Variants in PLD5 observed in about 807,000 individuals in gnomAD.
The protein encoded by PLD5 is phospholipase D family member 5.
PLD5 carries 36 observed loss-of-function variants against 61.1 expected under a neutral mutation model. The ratio of observed to expected loss-of-function variants is 0.59; its 90% CI spans 0.45 to 0.78. PLD5 has a LOEUF of 0.78. Among genes scored for constraint, PLD5 ranks in the 30% least tolerant of loss-of-function variants. The pLI is 0.00. For missense variants in PLD5, 515 were observed against 644.4 expected (o/e 0.80, Z 2.17); for synonymous variants, 243 against 242.8 (o/e 1.00, Z -0.01).
At chr1:242,486,654 G>C (rs1182925941) in intron 1 of PLD5, among the ~76,000 whole-genome samples, 2 of 150,654 alleles carry the variant, frequency 1.3e-5, no homozygotes, top group East Asian at 2.0e-4. Flanking sequence ...TCAGTGTGGC[G>C]ATTCCTCAGG....
upstream of PLD5, among the ~76,000 whole-genome samples, chr1:242,525,854 ATAG>A (rs1669433049): frequency 6.6e-6 from 1 of 152,228 alleles, no homozygotes; most frequent in Non-Finnish European, 1.5e-5. Context: ...TATAGTAAAA[ATAG>A]TAGTTGAAAT....
At chr1:242,410,629 A>C (rs994703417) in intron 1 of PLD5, among the ~76,000 whole-genome samples, 10 of 152,284 alleles carry the variant, frequency 6.6e-5, no homozygotes, top group African/African-American at 2.4e-4. Context: ...TTCATCAGCA[A>C]ATCATAAAAA....
intron 2 of PLD5, among the ~76,000 whole-genome samples, chr1:242,292,233 A>G (rs1009139359): frequency 1.3e-5 from 2 of 152,146 alleles, no homozygotes; most frequent in Non-Finnish European, 2.9e-5. Context: ...CTCCCCTACA[A>G]CCGATGGATA....
chr1:242,255,789 C>T (rs1226948261), intron 4 of PLD5, among the ~76,000 whole-genome samples: 6 of 152,152 alleles, frequency 3.9e-5, no homozygotes, highest in Middle Eastern at 3.4e-3. Flanking sequence ...AATTCAGCAG[C>T]TCCCTGTCCT....
intron 4 of PLD5, among the ~76,000 whole-genome samples, chr1:242,225,234 A>T (rs1670856699): frequency 6.6e-6 from 1 of 151,724 alleles, no homozygotes; most frequent in Non-Finnish European, 1.5e-5. Context: ...TGTGTAGAAC[A>T]GTGGTTTGTT....
chr1:242,095,436 T>C (rs750197883), intron 9 of PLD5, among the ~76,000 whole-genome samples: 121 of 152,128 alleles, frequency 8.0e-4, no homozygotes, highest in Middle Eastern at 3.4e-3. Context: ...TTCACCATGT[T>C]GGCCAGGCTG....
intron 1 of PLD5, among the ~76,000 whole-genome samples, chr1:242,388,401 G>A (rs561876519): frequency 6.6e-6 from 1 of 152,272 alleles, no homozygotes; most frequent in East Asian, 1.9e-4. Context: ...AGACGCTTCA[G>A]TCATTTCCAT....
intron 1 of PLD5, among the ~76,000 whole-genome samples, chr1:242,510,740 G>C (rs1668880157): frequency 6.6e-6 from 1 of 151,954 alleles, no homozygotes; most frequent in South Asian, 2.1e-4. Context: ...AGCTACTCAG[G>C]AGGCCGAGGC....
chr1:242,252,669 T>C (rs1237979716), intron 4 of PLD5, among the ~76,000 whole-genome samples: 1 of 152,228 alleles, frequency 6.6e-6, no homozygotes, highest in Non-Finnish European at 1.5e-5. Flanking sequence ...ATCAGTATTT[T>C]TAGCAACTAG....
intron 1 of PLD5, among the ~76,000 whole-genome samples, chr1:242,393,798 G>A (rs1002083253): frequency 1.7e-4 from 26 of 148,572 alleles, no homozygotes; most frequent in African/African-American, 6.4e-4. Flanking sequence ...AGTGGCTCAC[G>A]CCTGTATTCT....
intron 1 of PLD5, among the ~76,000 whole-genome samples, chr1:242,436,104 C>T (rs1665986039): frequency 6.6e-6 from 1 of 152,078 alleles, no homozygotes; most frequent in African/African-American, 2.4e-5. Flanking sequence ...AACCCCACCC[C>T]CTCTTTCTGT....
intron 1 of PLD5, among the ~76,000 whole-genome samples, chr1:242,487,612 C>A (rs1319508349): frequency 6.6e-6 from 1 of 152,072 alleles, no homozygotes; most frequent in Non-Finnish European, 1.5e-5. Context: ...AGACAAGCCA[C>A]AAACTGGGAA....
rs573903104 is a variant in PLD5 at position 242,393,201 on chromosome 1, CA to C, written c.190-44960del. ...CCTGGATAAGACGACGACTCCGTCTCAAAAAAATATATATATATATATGAGT... is the reference window on the plus strand; with the variant it reads ...CCTGGATAAGACGACGACTCCGTCTCAAAAAATATATATATATATATGAGT... On this transcript the variant is annotated intron_variant, in intron 1 of 9. Transcript: ENST00000536534. Among the ~76,000 whole-genome samples, 11 of 73,720 alleles carry C rather than the reference CA, an allele frequency of 1.5e-4. 1 individual carries two copies. In the East Asian group the frequency reaches 1.6e-3, roughly 11 times the overall value. 48.4% of individuals were successfully genotyped at this position (73,720 alleles called of 152,430 possible). A position where few individuals can be genotyped will look rare whatever the true frequency, so the allele number is the denominator to read the frequency against.
At chr1:242,502,107 C>T (rs1351772626) in intron 1 of PLD5, among the ~76,000 whole-genome samples, 2 of 152,152 alleles carry the variant, frequency 1.3e-5, no homozygotes, top group Non-Finnish European at 2.9e-5. Flanking sequence ...AAGTCTATGT[C>T]TGCAACCCAA....
chr1:242,112,283 CT>C (rs1661563685), intron 7 of PLD5, among the ~76,000 whole-genome samples: 1 of 119,652 alleles, frequency 8.4e-6, no homozygotes, highest in East Asian at 2.3e-4. Flanking sequence ...AAAGGATGCA[CT>C]GTGTGTGTGT....
At chr1:242,314,226 T>G (rs1676876121) in intron 2 of PLD5, among the ~76,000 whole-genome samples, 1 of 152,192 alleles carries the variant, frequency 6.6e-6, no homozygotes, top group Non-Finnish European at 1.5e-5. Flanking sequence ...TTGATCAGCA[T>G]GCTGAAATTG....
At position 242,083,287 on chromosome 1, in the gene PLD5, C is replaced by T. The variant is rs1574265085; in HGVS notation, c.*6567G>A. On this transcript the variant is annotated 3_prime_UTR_variant, in exon 10 of 10. Coordinates refer to ENST00000536534, the MANE Select transcript of PLD5 (RefSeq NM_001372062.1). The stretch of plus-strand genomic sequence containing the variant: ...GGCCGTGATTGGTGGGGCCAGGTAC[C>T]ATCAAACAAGAATACCACTGCTAGG... 1.3e-5 allele frequency: 2 copies of T among 152,204 alleles called. No individual in the cohort carries two copies. The highest frequency in any genetic ancestry group is 4.8e-5 in the African/African-American group (2 of 41,440). 9.4% of individuals were successfully genotyped at this position (152,204 alleles called of 1,614,324 possible).
chr1:242,383,520 C>T (rs1208141911), intron 1 of PLD5, among the ~76,000 whole-genome samples: 1 of 151,436 alleles, frequency 6.6e-6, no homozygotes, highest in Non-Finnish European at 1.5e-5. Context: ...ATCTTTCTCC[C>T]TCATTTTCTG....
intron 1 of PLD5, among the ~76,000 whole-genome samples, chr1:242,498,542 T>C (rs1434310575): frequency 6.6e-6 from 1 of 152,250 alleles, no homozygotes; most frequent in East Asian, 1.9e-4. Flanking sequence ...TGTTATGTTG[T>C]TACTATTTCA....
Sources: allele counts gnomAD v4.1 joint callset (sites outside exome capture counted in the v4.1 genomes callset), GRCh38; gene constraint gnomAD v4.1.1; transcripts MANE v1.5; gene names NCBI Gene and HGNC (gene_info 2026-07-23, HGNC 2026-07-21).